The following DST variants were observed in gnomAD, a reference collection of about 807,000 sequenced individuals.
DST encodes the protein dystonin.
DST carries 253 observed loss-of-function variants against 875.2 expected under a neutral mutation model. The ratio of observed to expected loss-of-function variants is 0.29; its 90% CI spans 0.26 to 0.32. DST has a LOEUF of 0.32. Ranked by LOEUF, DST falls within the 10% of genes least tolerant of loss-of-function variation. The pLI is 1.00. For synonymous variants in DST, 3,124 were observed against 3,197.1 expected (o/e 0.98, Z 0.77); for missense variants, 8,287 against 9,111.6 (o/e 0.91, Z 3.68).
chr6:56,515,731 G>A, intron 71 of DST, 63 bp from the exon 72 acceptor site: 1 of 1,327,032 alleles, frequency 7.5e-7, no homozygotes, highest in African/African-American at 1.5e-5. Context: ...ACTCCAGAGT[G>A]CTCTGTCCAG....
At chr6:56,946,236 T>C (rs1478082139) in intron 2 of DST, among the ~76,000 whole-genome samples, 1 of 152,062 alleles carries the variant, frequency 6.6e-6, no homozygotes, top group Non-Finnish European at 1.5e-5. Flanking sequence ...CAGTGGCCAA[T>C]AGTATCAAAT....
rs780643566 is a variant in DST, at chr6:56,640,214, G to C, written c.2419C>G (p.Gln807Glu). The C allele has an allele frequency of 1.2e-6, 2 of 1,613,952 alleles. No homozygotes were observed. Among genetic ancestry groups the C allele is most frequent in the Non-Finnish European group, 1.7e-6 (2 of 1,180,012 alleles). ...KPLLKSSLLDQNLTEEEINMK... is the reference protein window; with the variant it reads ...KPLLKSSLLDENLTEEEINMK... The stretch of plus-strand genomic sequence containing the variant: ...TTGATTTCTTCTTCTGTTAAATTTT[G>C]ATCCAGCAAAGAAGACTTTAGAAGG... Residue 807 changes from glutamine (Q) to glutamate (E), a missense_variant, in exon 18 of 104, where the codon CAA (glutamine) becomes GAA (glutamate). By Grantham distance (29) the Gln-to-Glu change is conservative. Around this residue, in one of 10 missense-constraint regions of DST, gnomAD observed 1,160 missense variants for 1,424.3 expected, o/e 0.81. Coordinates refer to ENST00000680361, the MANE Select transcript of DST (RefSeq NM_001374736.1).
intron 10 of DST, among the ~76,000 whole-genome samples, chr6:56,658,312 T>G (rs2099020919): frequency 1.3e-5 from 2 of 152,214 alleles, no homozygotes; most frequent in South Asian, 4.1e-4. Flanking sequence ...GTCCTGTGAT[T>G]TAGTCCTAAT....
chr6:56,939,616 C>T (rs1273103024), intron 2 of DST, among the ~76,000 whole-genome samples: 1 of 152,182 alleles, frequency 6.6e-6, no homozygotes, highest in Non-Finnish European at 1.5e-5. Flanking sequence ...TCTAAATTTT[C>T]TGCTGTCCTT....
intron 5 of DST, among the ~76,000 whole-genome samples, chr6:56,729,898 A>G (rs1010264655): frequency 6.6e-6 from 1 of 152,206 alleles, no homozygotes; most frequent in African/African-American, 2.4e-5. Flanking sequence ...GTCGTGATGG[A>G]ACAGTGATAA....
Position 56,601,526 on chromosome 6 carries a change from G to T in DST, c.11458C>A (p.Leu3820Ile), listed in dbSNP as rs1218490088. ...RLLNTTQKCF[L>I]DVQESVTTQV... ...GTAGTTACTGACTCCTGTACATCAA[G>T]AAAACACTTCTGAGTTGTATTTAAG... The change falls in exon 44 of 104, where the codon CTT becomes ATT. Residue 3820 changes from leucine (L) to isoleucine (I), a missense_variant. Physicochemically the swap from Leu to Ile is conservative, Grantham distance 5. Around this residue, in one of 10 missense-constraint regions of DST, gnomAD observed 3,138 missense variants for 3,116.6 expected, o/e 1.01. Coordinates refer to ENST00000680361, the MANE Select transcript of DST (RefSeq NM_001374736.1). 3 of 1,606,388 alleles carry T rather than the reference G, an allele frequency of 1.9e-6. No individual in the cohort carries two copies. Among genetic ancestry groups the T allele is most frequent in the Non-Finnish European group, 2.5e-6 (3 of 1,176,630 alleles).
chr6:56,546,258 G>A (rs547038421), intron 61 of DST, among the ~76,000 whole-genome samples: 2 of 148,682 alleles, frequency 1.3e-5, no homozygotes, highest in South Asian at 4.3e-4. Flanking sequence ...CATCTTCAAT[G>A]AGGTTTTCTG....
intron 36 of DST, 28 bp from the exon 37 acceptor site, chr6:56,614,512 A>G (rs1282408879): frequency 1.3e-6 from 2 of 1,562,690 alleles, no homozygotes; most frequent in Admixed American, 3.8e-5. Context: ...TAAGAAAAAT[A>G]TACACTGCAT....
chr6:56,817,650 T>C (rs908114344), intron 4 of DST, among the ~76,000 whole-genome samples: 7 of 152,188 alleles, frequency 4.6e-5, no homozygotes, highest in African/African-American at 1.7e-4. Flanking sequence ...ATCATATTTT[T>C]ATGTGTTAAA....
intron 4 of DST, among the ~76,000 whole-genome samples, chr6:56,790,784 A>C (rs2099720323): frequency 6.6e-6 from 1 of 152,224 alleles, no homozygotes; most frequent in South Asian, 2.1e-4. Flanking sequence ...ACCAGTTTGT[A>C]CTGGACCATA....
chr6:56,509,039 A>G (rs2096407325), intron 74 of DST, among the ~76,000 whole-genome samples: 1 of 152,172 alleles, frequency 6.6e-6, no homozygotes, highest in African/African-American at 2.4e-5. Flanking sequence ...CATTAAGGCT[A>G]TCCTTAATCC....
chr6:56,762,683 C>T (rs1286073363), intron 4 of DST, among the ~76,000 whole-genome samples: 1 of 152,112 alleles, frequency 6.6e-6, no homozygotes, highest in Non-Finnish European at 1.5e-5. Context: ...AATACCTGCG[C>T]AACTACTTTC....
intron 55 of DST, among the ~76,000 whole-genome samples, chr6:56,567,453 A>G (rs1048630737): frequency 1.3e-5 from 2 of 149,722 alleles, no homozygotes; most frequent in Non-Finnish European, 3.0e-5. Context: ...AAAAAATCCC[A>G]AAGCAACAGC....
chr6:56,592,189 T>C lies in DST; in HGVS notation c.12896A>G (p.Glu4299Gly), dbSNP rs2098289059. ...DPKNLQRQLE[E>G]TKALQGQISS... ...CTTTCTCTCGCTTTTTACCTTGGTCTCTTCTAATTGCCTTTGAAGATTTTT... is the reference window on the plus strand; with the variant it reads ...CTTTCTCTCGCTTTTTACCTTGGTCCCTTCTAATTGCCTTTGAAGATTTTT... Residue 4299 changes from glutamate (E) to glycine (G), a missense_variant, in exon 49 of 104, where the codon GAG (glutamate) becomes GGG (glycine). Glu to Gly is a moderately conservative substitution (Grantham distance 98). Around this residue, in one of 10 missense-constraint regions of DST, gnomAD observed 1,513 missense variants for 1,677.8 expected, o/e 0.90. Coordinates refer to ENST00000680361, the MANE Select transcript of DST (RefSeq NM_001374736.1). 4 of 1,613,002 alleles carry C rather than the reference T, an allele frequency of 2.5e-6. No individual in the cohort carries two copies. Among genetic ancestry groups the C allele is most frequent in the Admixed American group, 1.7e-5 (1 of 59,916 alleles).
intron 4 of DST, among the ~76,000 whole-genome samples, chr6:56,807,471 A>G (rs888574622): frequency 3.9e-5 from 6 of 152,206 alleles, no homozygotes; most frequent in Non-Finnish European, 7.3e-5. Flanking sequence ...ACAAACTGGG[A>G]CTCACATTAC....
At chr6:56,574,597 T>C (rs918437365) in intron 50 of DST, among the ~76,000 whole-genome samples, 1 of 152,014 alleles carries the variant, frequency 6.6e-6, no homozygotes, top group Non-Finnish European at 1.5e-5. Flanking sequence ...GGCTAACCTA[T>C]CTCATATGAG....
At position 56,629,398 on chromosome 6, in the gene DST, A is replaced by C; in HGVS notation, c.4327T>G (p.Leu1443Val). Reference sequence around the variant, plus strand: ...TTAGCTTTCTGCAACTCATCCTCTAAGGCATGGAATACCTGTCTCTTTTCA... The same window carrying C: ...TTAGCTTTCTGCAACTCATCCTCTACGGCATGGAATACCTGTCTCTTTTCA... ...VDEKRQVFHA[L>V]EDELQKAKAI... is the part of the protein sequence containing the mutation. Residue 1443 changes from leucine (L) to valine (V), a missense_variant, in exon 32 of 104, where the codon TTA (leucine) becomes GTA (valine). Coordinates refer to ENST00000680361, the MANE Select transcript of DST (RefSeq NM_001374736.1). 1 of 1,613,628 alleles carries C rather than the reference A, an allele frequency of 6.2e-7. No individual in the cohort carries two copies. Among genetic ancestry groups the C allele is most frequent in the Non-Finnish European group, 8.5e-7 (1 of 1,179,732 alleles).
chr6:56,487,877 A>G (rs1332928064), intron 86 of DST, among the ~76,000 whole-genome samples: 1 of 152,236 alleles, frequency 6.6e-6, no homozygotes, highest in East Asian at 1.9e-4. Flanking sequence ...GGAAACATTA[A>G]TACAGTGATT....
intron 4 of DST, among the ~76,000 whole-genome samples, chr6:56,849,134 AT>A (rs755617631): frequency 0.038 from 4,312 of 114,812 alleles, 25 homozygotes; most frequent in South Asian, 0.065. Context: ...AATTCATGCA[AT>A]TTTTTTTTTT....
Sources: allele counts gnomAD v4.1 joint callset (sites outside exome capture counted in the v4.1 genomes callset), GRCh38; gene constraint gnomAD v4.1.1; regional missense constraint gnomAD v4.1.1; transcripts MANE v1.5; gene names NCBI Gene and HGNC (gene_info 2026-07-23, HGNC 2026-07-21).